VWA8: variants seen among roughly 807,000 people sequenced by gnomAD.
VWA8 encodes the protein von Willebrand factor A domain-containing protein 8.
In VWA8, 221 loss-of-function variants were observed where a neutral mutation model predicts 241.5. The ratio of observed to expected loss-of-function variants is 0.91; its 90% CI spans 0.82 to 1.02. VWA8 has a LOEUF of 1.02. Among genes scored for constraint, VWA8 ranks in the 50% least tolerant of loss-of-function variants. The pLI is 0.00. For synonymous variants in VWA8, 852 were observed against 827.1 expected (o/e 1.03, Z -0.52); for missense variants, 2,322 against 2,328.7 (o/e 1.00, Z 0.06).
intron 10 of VWA8, among the ~76,000 whole-genome samples, chr13:41,866,346 C>A (rs546565786): frequency 1.4e-5 from 2 of 147,836 alleles, no homozygotes; most frequent in East Asian, 3.9e-4. Flanking sequence ...GAGACTCTGT[C>A]CCAAAAAAAA....
intron 2 of VWA8, among the ~76,000 whole-genome samples, chr13:41,919,153 AG>A (rs1323718869): frequency 3.9e-5 from 6 of 152,240 alleles, no homozygotes; most frequent in African/African-American, 1.4e-4. Context: ...TGTAGAGCAC[AG>A]AAACCCAGGA....
At chr13:41,804,132 CATA>C (rs1246758388) in intron 17 of VWA8, among the ~76,000 whole-genome samples, 1 of 152,072 alleles carries the variant, frequency 6.6e-6, no homozygotes, top group Non-Finnish European at 1.5e-5. Context: ...TATTCAAAGG[CATA>C]ATAACAGAGA....
At chr13:41,572,832 G>A (rs1475299867) in intron 43 of VWA8, among the ~76,000 whole-genome samples, 2 of 149,908 alleles carry the variant, frequency 1.3e-5, no homozygotes, top group African/African-American at 4.9e-5. Flanking sequence ...GAAACAGGCC[G>A]GGCGCGGTGG....
intron 2 of VWA8, chr13:41,926,014 G>A (rs1040591263): frequency 4.9e-6 from 2 of 411,864 alleles, no homozygotes; most frequent in Non-Finnish European, 4.6e-6. Context: ...GCTTCTGAGG[G>A]AAAGTTCATC....
chr13:41,669,298 C>A (rs2045006834), intron 37 of VWA8, among the ~76,000 whole-genome samples: 1 of 152,112 alleles, frequency 6.6e-6, no homozygotes, highest in African/African-American at 2.4e-5. Flanking sequence ...AACTATATAT[C>A]CTCATTCAAT....
chr13:41,902,393 C>T (rs1004580359), intron 4 of VWA8, among the ~76,000 whole-genome samples: 19 of 152,128 alleles, frequency 1.2e-4, no homozygotes, highest in African/African-American at 4.3e-4. Flanking sequence ...TCATGCTGCT[C>T]GTCTTGAAGA....
At chr13:41,688,056 C>T (rs890282951) in intron 34 of VWA8, among the ~76,000 whole-genome samples, 5 of 151,812 alleles carry the variant, frequency 3.3e-5, no homozygotes, top group Non-Finnish European at 7.4e-5. Flanking sequence ...CAGCAGCAAA[C>T]ATTGTAGAAA....
chr13:41,715,916 T>C (rs2045345421), intron 26 of VWA8, among the ~76,000 whole-genome samples: 1 of 152,034 alleles, frequency 6.6e-6, no homozygotes, highest in Non-Finnish European at 1.5e-5. Context: ...ATAGATGACA[T>C]ACAGTTGTTT....
chr13:41,756,556 G>C (rs1323919790), intron 21 of VWA8, among the ~76,000 whole-genome samples: 1 of 151,376 alleles, frequency 6.6e-6, no homozygotes, highest in Non-Finnish European at 1.5e-5. Context: ...GGAAAAAATT[G>C]GTTTTTGGCT....
intron 9 of VWA8, among the ~76,000 whole-genome samples, chr13:41,873,231 G>GA (rs555870199): frequency 1.2e-3 from 185 of 152,100 alleles, no homozygotes; most frequent in African/African-American, 3.7e-3. Flanking sequence ...GAGAAAGCAG[G>GA]AAAGATCCAA....
At chr13:41,710,005 A>G (rs771907462) in intron 26 of VWA8, among the ~76,000 whole-genome samples, 55 of 152,216 alleles carry the variant, frequency 3.6e-4, no homozygotes, top group Non-Finnish European at 6.9e-4. Context: ...TCAAAGGCAG[A>G]TAATGAGTCT....
intron 14 of VWA8, among the ~76,000 whole-genome samples, chr13:41,826,300 G>A (rs1871166425): frequency 6.6e-6 from 1 of 152,274 alleles, no homozygotes; most frequent in East Asian, 1.9e-4. Context: ...GAAATATTCA[G>A]ACAACAAAGA....
chr13:41,607,535 C>T (rs13378839), intron 39 of VWA8, among the ~76,000 whole-genome samples: 1 of 152,164 alleles, frequency 6.6e-6, no homozygotes, highest in Admixed American at 6.5e-5. Flanking sequence ...ATGCCACCTA[C>T]CCCTTCATAC....
At chr13:41,888,664 T>C (rs1156455289) in intron 5 of VWA8, among the ~76,000 whole-genome samples, 1 of 152,222 alleles carries the variant, frequency 6.6e-6, no homozygotes, top group African/African-American at 2.4e-5. Flanking sequence ...TGTACCCTTT[T>C]ACTTTATCTT....
At chr13:41,685,323 A>G (rs2045128722) in intron 34 of VWA8, 81 bp from the exon 35 acceptor site, 2 of 1,300,102 alleles carry the variant, frequency 1.5e-6, no homozygotes, top group Non-Finnish European at 1.1e-6. Context: ...CCCTTTAAGC[A>G]GATACTAGTG....
intron 21 of VWA8, among the ~76,000 whole-genome samples, chr13:41,734,747 A>C (rs9590637): frequency 0.35 from 53,860 of 151,990 alleles, 9,677 homozygotes; most frequent in Admixed American, 0.37. Context: ...TGCCCCCATA[A>C]TCTACTGCTT....
intron 21 of VWA8, among the ~76,000 whole-genome samples, chr13:41,751,147 A>C (rs930356366): frequency 1.3e-5 from 2 of 152,194 alleles, no homozygotes; most frequent in African/African-American, 4.8e-5. Context: ...ATAAAAAAAA[A>C]ATACAAAAAT....
chr13:41,744,587 T>TAAAACAAAAC (rs67574276), intron 21 of VWA8, among the ~76,000 whole-genome samples: 603 of 151,198 alleles, frequency 4.0e-3, no homozygotes, highest in African/African-American at 9.9e-3. Flanking sequence ...TTTATAAAAC[T>TAAAACAAAAC]AAAACAAAAC....
At chr13:41,926,449 T>A in intron 2 of VWA8, 1 of 525,524 alleles carries the variant, frequency 1.9e-6, no homozygotes, top group Non-Finnish European at 3.8e-6. Flanking sequence ...TCATCACTTA[T>A]GACAATGCGC....
Sources: gnomAD v4.1 joint callset for allele counts (sites outside exome capture counted in the v4.1 genomes callset) on GRCh38, gnomAD v4.1.1 for gene constraint, MANE v1.5 for transcripts, NCBI Gene and HGNC (gene_info 2026-07-23, HGNC 2026-07-21) for gene names.